Variants in RHOBTB1 observed in about 807,000 individuals in gnomAD.
The protein encoded by RHOBTB1 is Rho related BTB domain containing 1.
A neutral mutation model predicts 71.6 loss-of-function variants in RHOBTB1; 40 were observed. The observed-to-expected ratio is 0.56, with a 90% CI of 0.43 to 0.73. The LOEUF (loss-of-function observed/expected upper bound fraction) is 0.73, where lower values mean the gene tolerates loss of function less well. RHOBTB1 is among the 30% of genes least tolerant of loss of function. The probability of loss-of-function intolerance (pLI) is 0.00; values close to 1 mark genes in which losing one functional copy is unlikely to be tolerated. For missense variants in RHOBTB1, 797 were observed against 894.0 expected (o/e 0.89, Z 1.38); for synonymous variants, 319 against 334.9 (o/e 0.95, Z 0.52).
chr10:60,918,933 A>G (rs1564960537), intron 2 of RHOBTB1, among the ~76,000 whole-genome samples: 1 of 151,890 alleles, frequency 6.6e-6, no homozygotes, highest in African/African-American at 2.4e-5. Context: ...TTTAGTAGAG[A>G]TGGGGTTTCT....
chr10:60,925,578 C>A (rs74388070), intron 2 of RHOBTB1, among the ~76,000 whole-genome samples: 2 of 151,400 alleles, frequency 1.3e-5, no homozygotes, highest in African/African-American at 4.8e-5. Context: ...TAATAAAGAT[C>A]GGAGCAGAAA....
At chr10:60,881,667 CT>C (rs763876924) in intron 7 of RHOBTB1, among the ~76,000 whole-genome samples, 188 of 152,306 alleles carry the variant, frequency 1.2e-3, no homozygotes, top group Non-Finnish European at 2.2e-3. Context: ...GCTTTTTCTT[CT>C]TCACGGAAAC....
intron 1 of RHOBTB1, among the ~76,000 whole-genome samples, chr10:60,991,125 C>T (rs2086848665): frequency 6.6e-6 from 1 of 152,316 alleles, no homozygotes; most frequent in South Asian, 2.1e-4. Flanking sequence ...GTATCACTAT[C>T]TCTCTACTGA....
intron 2 of RHOBTB1, among the ~76,000 whole-genome samples, chr10:60,922,315 A>G (rs1367727278): frequency 6.6e-6 from 1 of 152,176 alleles, no homozygotes; most frequent in Non-Finnish European, 1.5e-5. Context: ...CACACCACAA[A>G]ATGCAATTAG....
chr10:60,962,927 A>C (rs2134548195), intron 2 of RHOBTB1, among the ~76,000 whole-genome samples: 1 of 152,294 alleles, frequency 6.6e-6, no homozygotes, highest in Non-Finnish European at 1.5e-5. Context: ...TGCCATTCCT[A>C]ATCTAGAGTT....
intron 2 of RHOBTB1, among the ~76,000 whole-genome samples, chr10:60,978,047 T>C (rs1350506828): frequency 6.6e-6 from 1 of 152,164 alleles, no homozygotes; most frequent in East Asian, 1.9e-4. Flanking sequence ...AGGAAAAATG[T>C]ATAAAATTAT....
chr10:60,949,023 AGGCTGTTG>A (rs1462337806), upstream of RHOBTB1, among the ~76,000 whole-genome samples: 1 of 152,224 alleles, frequency 6.6e-6, no homozygotes, highest in African/African-American at 2.4e-5. Flanking sequence ...CAGGTCTAAT[AGGCTGTTG>A]GGCTCCAGCT....
intron 2 of RHOBTB1, among the ~76,000 whole-genome samples, chr10:60,980,860 A>G (rs560676401): frequency 1.3e-5 from 2 of 152,328 alleles, no homozygotes; most frequent in Middle Eastern, 3.4e-3. Context: ...GTCAAATTTC[A>G]TAGTAGGAAT....
chr10:60,952,048 ACT>A (rs1275823530), intron 2 of RHOBTB1, among the ~76,000 whole-genome samples: 2 of 151,662 alleles, frequency 1.3e-5, no homozygotes, highest in Non-Finnish European at 2.9e-5. Context: ...ACAGAGCGAG[ACT>A]CTGTCACAGC....
intron 2 of RHOBTB1, among the ~76,000 whole-genome samples, chr10:60,918,914 T>C (rs887212556): frequency 2.0e-5 from 3 of 152,136 alleles, no homozygotes. Context: ...GCCTGGCTAC[T>C]TTTTTATTTT....
upstream of RHOBTB1, among the ~76,000 whole-genome samples, chr10:60,946,376 T>C (rs1388967925): frequency 6.6e-6 from 1 of 152,104 alleles, no homozygotes; most frequent in Non-Finnish European, 1.5e-5. Flanking sequence ...AAAAATAGGG[T>C]AGAAACTCAA....
intron 2 of RHOBTB1, among the ~76,000 whole-genome samples, chr10:60,954,239 G>A (rs536969755): frequency 4.3e-4 from 66 of 152,292 alleles, no homozygotes; most frequent in African/African-American, 1.5e-3. Flanking sequence ...TCTGAGTCCA[G>A]TTTCCTCCTC....
intron 2 of RHOBTB1, among the ~76,000 whole-genome samples, chr10:60,965,825 A>G (rs2085938169): frequency 6.6e-6 from 1 of 152,116 alleles, no homozygotes; most frequent in Non-Finnish European, 1.5e-5. Flanking sequence ...TTTTCTGCTA[A>G]CCTCAGGACA....
rs1464381802 is a variant in RHOBTB1 at position 60,870,913 on chromosome 10, A to G, written c.*569T>C. On this transcript the variant is annotated 3_prime_UTR_variant, in exon 11 of 11. Transcript: ENST00000337910. The stretch of plus-strand genomic sequence containing the variant: ...TTGACTTTGTAATTACACCGATGTT[A>G]TTCAACAGAACAAAGATTAAACACT... 6.6e-6 allele frequency: 1 copy of G among 152,652 alleles called. No individual in the cohort carries two copies. Among genetic ancestry groups the G allele is most frequent in the African/African-American group, 2.4e-5 (1 of 41,454 alleles). The allele number at this position is 152,652 out of a possible 1,614,324, so 9.5% of individuals were successfully genotyped here.
intron 7 of RHOBTB1, among the ~76,000 whole-genome samples, chr10:60,884,417 A>G (rs2081471661): frequency 6.6e-6 from 1 of 152,242 alleles, no homozygotes; most frequent in Admixed American, 6.5e-5. Flanking sequence ...TTTAAAAAAG[A>G]TGTTAAAAAT....
At chr10:60,879,415 T>C (rs2081203448) in intron 7 of RHOBTB1, among the ~76,000 whole-genome samples, 1 of 152,126 alleles carries the variant, frequency 6.6e-6, no homozygotes. Context: ...GGCTTGATGA[T>C]AGCTTAGGCC....
At chr10:60,874,763 T>G (rs1036813409) in intron 9 of RHOBTB1, among the ~76,000 whole-genome samples, 191 bp downstream of exon 9, 21 of 152,308 alleles carry the variant, frequency 1.4e-4, no homozygotes, top group African/African-American at 5.1e-4. Flanking sequence ...GTTTTGTTTA[T>G]TCAAATGAAG....
chr10:60,912,388 C>T (rs2083039296), intron 2 of RHOBTB1, among the ~76,000 whole-genome samples: 1 of 152,096 alleles, frequency 6.6e-6, no homozygotes, highest in Admixed American at 6.5e-5. Flanking sequence ...TGCCCACCAC[C>T]ATGCCCGGCT....
chr10:60,894,452 T>C (rs1249146479), intron 4 of RHOBTB1, among the ~76,000 whole-genome samples: 4 of 152,212 alleles, frequency 2.6e-5, no homozygotes, highest in Non-Finnish European at 5.9e-5. Flanking sequence ...TGCATAAATA[T>C]ATAAATGAAA....
Sources: gnomAD v4.1 joint callset for allele counts (sites outside exome capture counted in the v4.1 genomes callset) on GRCh38, gnomAD v4.1.1 for gene constraint, MANE v1.5 for transcripts, NCBI Gene and HGNC (gene_info 2026-07-23, HGNC 2026-07-21) for gene names.